KCNIP4: variants seen among roughly 807,000 people sequenced by gnomAD.
KCNIP4 encodes Kv channel-interacting protein 4.
KCNIP4 carries 12 observed loss-of-function variants against 34.0 expected under a neutral mutation model. The observed-to-expected ratio is 0.35, with a 90% confidence interval of 0.23 to 0.57. The LOEUF is 0.57. Among genes scored for constraint, KCNIP4 ranks in the 20% least tolerant of loss-of-function variants. The pLI, the probability that KCNIP4 is intolerant of heterozygous loss-of-function variation, is 0.83. For synonymous variants in KCNIP4, 124 were observed against 102.2 expected, an observed-to-expected ratio of 1.21 and a Z score of -1.29; for missense variants, 238 against 311.7, an observed-to-expected ratio of 0.76 and a Z score of 1.78.
At chr4:20,805,519 G>GA (rs1714969259) in intron 3 of KCNIP4, among the ~76,000 whole-genome samples, 1 of 151,890 alleles carries the variant, frequency 6.6e-6, no homozygotes, top group Non-Finnish European at 1.5e-5. Context: ...TTGGATATTT[G>GA]AATATAGCAA....
intron 1 of KCNIP4, among the ~76,000 whole-genome samples, chr4:21,686,018 T>C (rs1466581849): frequency 2.6e-5 from 4 of 152,240 alleles, no homozygotes; most frequent in African/African-American, 7.2e-5. Context: ...CCTAGTTCTT[T>C]AAAGCCTTTT....
intron 1 of KCNIP4, among the ~76,000 whole-genome samples, chr4:21,793,319 G>A (rs893022593): frequency 6.6e-6 from 1 of 151,992 alleles, no homozygotes; most frequent in Non-Finnish European, 1.5e-5. Context: ...GCACCATCTC[G>A]GCTCACTGCA....
chr4:20,855,757 C>T (rs545826343), intron 2 of KCNIP4, among the ~76,000 whole-genome samples: 2 of 152,116 alleles, frequency 1.3e-5, no homozygotes, highest in Non-Finnish European at 2.9e-5. Context: ...TTGCTTTGTA[C>T]TTTTTATATT....
chr4:21,277,834 A>G (rs1310906814), intron 1 of KCNIP4, among the ~76,000 whole-genome samples: 1 of 152,206 alleles, frequency 6.6e-6, no homozygotes, highest in Non-Finnish European at 1.5e-5. Context: ...CAGTGAAAGA[A>G]AAGAAATCCA....
chr4:21,318,749 A>G (rs1176851829), intron 1 of KCNIP4, among the ~76,000 whole-genome samples: 2 of 152,174 alleles, frequency 1.3e-5, no homozygotes, highest in East Asian at 3.9e-4. Context: ...GAGCCTGAGC[A>G]TGAAGAGAAG....
chr4:21,100,623 C>A (rs115169845), intron 1 of KCNIP4, among the ~76,000 whole-genome samples: 1 of 152,082 alleles, frequency 6.6e-6, no homozygotes, highest in Non-Finnish European at 1.5e-5. Context: ...GATCAGCCAG[C>A]AGCCATCCAC....
chr4:21,791,410 C>A (rs1466092374), intron 1 of KCNIP4, among the ~76,000 whole-genome samples: 1 of 152,124 alleles, frequency 6.6e-6, no homozygotes, highest in African/African-American at 2.4e-5. Flanking sequence ...AGGGGACATT[C>A]ATTCTATAGC....
chr4:21,562,353 A>G (rs1326371222), intron 1 of KCNIP4, among the ~76,000 whole-genome samples: 2 of 152,106 alleles, frequency 1.3e-5, no homozygotes, highest in Middle Eastern at 3.4e-3. Context: ...TAATTTACCG[A>G]GGTGGATGTG....
At chr4:20,984,882 G>A (rs760458407) in intron 1 of KCNIP4, among the ~76,000 whole-genome samples, 3 of 152,104 alleles carry the variant, frequency 2.0e-5, no homozygotes, top group Admixed American at 6.5e-5. Flanking sequence ...TTAAAACCAC[G>A]CTCATCAGAG....
chr4:21,515,826 A>G (rs1467546645), intron 1 of KCNIP4, among the ~76,000 whole-genome samples: 1 of 152,144 alleles, frequency 6.6e-6, no homozygotes. Flanking sequence ...GGATGACACT[A>G]CAAGAAGGCC....
chr4:21,300,254 A>G (rs1222234587), intron 1 of KCNIP4, among the ~76,000 whole-genome samples: 1 of 152,174 alleles, frequency 6.6e-6, no homozygotes, highest in East Asian at 1.9e-4. Context: ...CCTGGAATGC[A>G]TTAACAGAAA....
At chr4:21,446,483 G>A (rs1268089366) in intron 1 of KCNIP4, among the ~76,000 whole-genome samples, 1 of 151,980 alleles carries the variant, frequency 6.6e-6, no homozygotes, top group Non-Finnish European at 1.5e-5. Flanking sequence ...TAGGGACATG[G>A]ATGAAGCTGG....
chr4:21,183,469 G>GTTTTTTTTTT (rs3080812), intron 1 of KCNIP4, among the ~76,000 whole-genome samples: 3 of 128,298 alleles, frequency 2.3e-5, no homozygotes, highest in Non-Finnish European at 3.4e-5. Context: ...TGTTGTTTTT[G>GTTTTTTTTTT]TTTTTTTTTT....
intron 1 of KCNIP4, among the ~76,000 whole-genome samples, chr4:21,099,506 T>G (rs995223839): frequency 6.6e-6 from 1 of 152,162 alleles, no homozygotes; most frequent in East Asian, 1.9e-4. Context: ...AGCTAATGGA[T>G]GCTGAGCTTA....
At chr4:21,528,865 A>G (rs1009914669) in intron 1 of KCNIP4, among the ~76,000 whole-genome samples, 54 of 148,670 alleles carry the variant, frequency 3.6e-4, no homozygotes, top group African/African-American at 1.3e-3. Flanking sequence ...GGAAGGAAGG[A>G]AGGAAGGGAA....
At chr4:20,945,279 CAACCATCTTATTTTCCAGAG>C (rs1020706199) in intron 1 of KCNIP4, among the ~76,000 whole-genome samples, 3 of 152,142 alleles carry the variant, frequency 2.0e-5, no homozygotes, top group Non-Finnish European at 2.9e-5. Context: ...GGAGGTCATT[CAACCATCTTATTTTCCAGAG>C]AGGGACACTG....
intron 1 of KCNIP4, among the ~76,000 whole-genome samples, chr4:21,018,059 T>C (rs921013775): frequency 1.3e-5 from 2 of 152,236 alleles, no homozygotes; most frequent in African/African-American, 2.4e-5. Context: ...TTGTACTACA[T>C]GGTATGTAAA....
chr4:21,891,172 TACCTGGGTTGACC>T (rs1221571136), intron 1 of KCNIP4, among the ~76,000 whole-genome samples: 1 of 152,056 alleles, frequency 6.6e-6, no homozygotes, highest in African/African-American at 2.4e-5. Flanking sequence ...AAGGAATGAA[TACCTGGGTTGACC>T]ACTCTTGGAT....
chr4:20,937,968 A>T lies in KCNIP4; in HGVS notation c.62-55259T>A, dbSNP rs536090943. 1.1e-4 allele frequency among the ~76,000 whole-genome samples: 16 copies of T among 152,332 alleles called. No homozygotes were observed. In the East Asian group the frequency reaches 3.1e-3, roughly 29 times the overall value. ...TTTTTTCCCTTGAAAGTACTATACA[A>T]TGACTTTAGAGATTCTAGAATAGGT... On this transcript the variant is annotated intron_variant, in intron 1 of 8. Coordinates refer to ENST00000382152, the MANE Select transcript of KCNIP4 (RefSeq NM_025221.6).
Sources: gnomAD v4.1 joint callset for allele counts (sites outside exome capture counted in the v4.1 genomes callset) on GRCh38, gnomAD v4.1.1 for gene constraint, MANE v1.5 for transcripts, NCBI Gene and HGNC (gene_info 2026-07-23, HGNC 2026-07-21) for gene names.